Variants in RAPGEF1 observed in about 807,000 individuals in gnomAD.
RAPGEF1 encodes CRK SH3-binding GNRP.
In RAPGEF1, 33 loss-of-function variants were observed where a neutral mutation model predicts 143.3. The observed-to-expected ratio is 0.23, with a 90% CI of 0.17 to 0.31. The LOEUF is 0.31. Ranked by LOEUF, RAPGEF1 falls within the 10% of genes least tolerant of loss-of-function variation. RAPGEF1 has a pLI of 1.00. For synonymous variants in RAPGEF1, 629 were observed against 676.5 expected (o/e 0.93, Z 1.09); for missense variants, 1,199 against 1,645.4 (o/e 0.73, Z 4.69).
chr9:131,584,549 C>T lies in RAPGEF1; in HGVS notation c.3281G>A (p.Arg1094Gln), dbSNP rs751517782. 1.9e-6 allele frequency: 3 copies of T among 1,613,998 alleles called. No homozygotes were observed. Among genetic ancestry groups the T allele is most frequent in the Non-Finnish European group, 2.5e-6 (3 of 1,179,894 alleles). The change falls in exon 23 of 27, where the codon CGG becomes CAG. Residue 1094 changes from arginine (R) to glutamine (Q), a missense_variant. Coordinates refer to ENST00000683357, the MANE Select transcript of RAPGEF1 (RefSeq NM_001377935.1). The surrounding 1 kb of genome is among the most constrained non-coding windows in gnomAD (Gnocchi z 6.8). Reference sequence around the variant, plus strand: ...GATCTTGATGAACTTCAAGAGCAGCCGTTCCCTGTCCTGGGCCTTTTCCTG... The same window carrying T: ...GATCTTGATGAACTTCAAGAGCAGCTGTTCCCTGTCCTGGGCCTTTTCCTG... ...MLQEKAQDRE[R>Q]LLLKFIKIMK...
At chr9:131,642,555 T>C (rs1199595929) in intron 4 of RAPGEF1, among the ~76,000 whole-genome samples, 1 of 152,210 alleles carries the variant, frequency 6.6e-6, no homozygotes, top group East Asian at 1.9e-4. Context: ...GCCTGCTTGC[T>C]TTAAACCCAC....
At chr9:131,729,377 C>T (rs920278468) in intron 1 of RAPGEF1, among the ~76,000 whole-genome samples, 6 of 152,190 alleles carry the variant, frequency 3.9e-5, no homozygotes, top group Non-Finnish European at 8.8e-5. Context: ...TACTTTAACT[C>T]GTAAGGGCCA....
chr9:131,623,560 C>A (rs1961943078), intron 10 of RAPGEF1, among the ~76,000 whole-genome samples: 1 of 152,252 alleles, frequency 6.6e-6, no homozygotes, highest in South Asian at 2.1e-4. Flanking sequence ...CAGTGATGCT[C>A]CCAGCCTTCT....
At chr9:131,707,284 GTTCT>G (rs149012008) in intron 1 of RAPGEF1, among the ~76,000 whole-genome samples, 5,544 of 152,188 alleles carry the variant, frequency 0.036, 216 homozygotes, top group East Asian at 0.089. Context: ...GTCAGAACTG[GTTCT>G]TTATTTTAAT....
At chr9:131,679,172 G>GC (rs1263517675) in intron 1 of RAPGEF1, among the ~76,000 whole-genome samples, 3 of 149,228 alleles carry the variant, frequency 2.0e-5, no homozygotes, top group Non-Finnish European at 3.0e-5. Context: ...GACAAGGGGG[G>GC]GGCCACAAGC....
intron 1 of RAPGEF1, among the ~76,000 whole-genome samples, chr9:131,688,380 G>GTGTCC (rs1833521062): frequency 6.6e-6 from 1 of 152,158 alleles, no homozygotes; most frequent in African/African-American, 2.4e-5. Context: ...ACAGCAACAA[G>GTGTCC]TGTCCTGTAT....
At position 131,608,145 on chromosome 9, in the gene RAPGEF1, T is replaced by G; in HGVS notation, c.2062-2957A>C. Among the ~76,000 whole-genome samples, 2 of 152,256 alleles carry G rather than the reference T, an allele frequency of 1.3e-5. 1 individual carries two copies. The highest frequency in any genetic ancestry group is 6.8e-3 in the Middle Eastern group (2 of 292). ...ATCTTTAAAACGGGGATGAAAACAA[T>G]AGCCCCTCCCCCATAAGGTTTCTGC... On this transcript the variant is annotated intron_variant, in intron 12 of 26. Transcript: ENST00000683357.
At chr9:131,710,634 A>T (rs972985810) in intron 1 of RAPGEF1, among the ~76,000 whole-genome samples, 1 of 152,200 alleles carries the variant, frequency 6.6e-6, no homozygotes, top group Non-Finnish European at 1.5e-5. Flanking sequence ...CACGCCTGTA[A>T]TCCCAGCACT....
chr9:131,588,949 T>C lies in RAPGEF1; in HGVS notation c.2905A>G (p.Met969Val). The C allele has an allele frequency of 6.2e-7, 1 of 1,613,844 alleles. No homozygotes were observed. Among genetic ancestry groups the C allele is most frequent in the East Asian group, 2.2e-5 (1 of 44,870 alleles). Residue 969 changes from methionine to valine, a missense_variant, in exon 20 of 27, where the codon ATG becomes GTG. Coordinates refer to ENST00000683357, the MANE Select transcript of RAPGEF1 (RefSeq NM_001377935.1). Reference sequence around the variant, plus strand: ...CACACCAGGCGGAAGACCAGTTCCATCAGCAGCTTCAGGATCTCTTCTGTC... The same window carrying C: ...CACACCAGGCGGAAGACCAGTTCCACCAGCAGCTTCAGGATCTCTTCTGTC... ...ELTEEILKLL[M>V]ELVFRLVCNG...
At chr9:131,670,704 A>C (rs1381602374) in intron 1 of RAPGEF1, among the ~76,000 whole-genome samples, 1 of 152,218 alleles carries the variant, frequency 6.6e-6, no homozygotes, top group African/African-American at 2.4e-5. Flanking sequence ...CCAAAGTTAT[A>C]CACTGGCTCT....
intron 12 of RAPGEF1, among the ~76,000 whole-genome samples, chr9:131,616,278 C>CAA (rs535962742): frequency 6.6e-6 from 1 of 151,964 alleles, no homozygotes; most frequent in African/African-American, 2.4e-5. Context: ...AAAACAAAAA[C>CAA]AAAAAACCAA....
At chr9:131,613,306 A>G (rs562236805) in intron 12 of RAPGEF1, among the ~76,000 whole-genome samples, 2 of 152,252 alleles carry the variant, frequency 1.3e-5, no homozygotes, top group African/African-American at 4.8e-5. Context: ...TTGGGAAGGG[A>G]TGAAGGGAAG....
rs754572607 is a variant in RAPGEF1, at chr9:131,604,923, G to A, written c.2319+8C>T. On this transcript the variant is annotated splice_region_variant and intron_variant, in intron 13 of 26. Coordinates refer to ENST00000683357, the MANE Select transcript of RAPGEF1 (RefSeq NM_001377935.1). ...GTGTGTGTGTGTGTGTGCACGCTGA[G>A]TTCTCACCGAGTCAGTGAAAGAGGT... The A allele has an allele frequency of 1.5e-6, 2 of 1,297,742 alleles. No individual in the cohort carries two copies. Among genetic ancestry groups the A allele is most frequent in the African/African-American group, 1.5e-5 (1 of 65,660 alleles). 80.4% of individuals were successfully genotyped at this position (1,297,742 alleles called of 1,614,324 possible).
At chr9:131,614,993 C>T (rs1544305) in intron 12 of RAPGEF1, among the ~76,000 whole-genome samples, 132,407 of 152,300 alleles carry the variant, frequency 0.87, 57,831 homozygotes, top group African/African-American at 0.95. Context: ...CCCAAATAGA[C>T]CTCTTAGTGA....
intron 1 of RAPGEF1, among the ~76,000 whole-genome samples, chr9:131,668,146 T>C (rs753246348): frequency 3.9e-5 from 6 of 152,162 alleles, no homozygotes; most frequent in Non-Finnish European, 8.8e-5. Flanking sequence ...GGAGATGATG[T>C]CCAGGGAGCC....
chr9:131,720,566 T>C (rs1836191561), intron 1 of RAPGEF1, among the ~76,000 whole-genome samples: 1 of 152,174 alleles, frequency 6.6e-6, no homozygotes, highest in African/African-American at 2.4e-5. Context: ...GCAGGCAGCA[T>C]TCTGGGTACC....
rs1832078271 is a variant in RAPGEF1, at chr9:131,675,051, A to G, written c.62-24102T>C. On this transcript the variant is annotated intron_variant, in intron 1 of 26. Coordinates refer to ENST00000683357, the MANE Select transcript of RAPGEF1 (RefSeq NM_001377935.1). The surrounding 1 kb of genome is among the most constrained non-coding windows in gnomAD (Gnocchi z 4.6). ...CAGCTGGGAGGGAGGGAGCAGAGAG[A>G]AGGCGAGCGTCATAGCCCTTTCCAC... Among the ~76,000 whole-genome samples the G allele has an allele frequency of 6.6e-6, 1 of 152,010 alleles. No individual in the cohort carries two copies. The highest frequency in any genetic ancestry group is 2.4e-5 in the African/African-American group (1 of 41,382).
At chr9:131,640,420 G>A (rs762394602) in intron 4 of RAPGEF1, among the ~76,000 whole-genome samples, 4 of 152,178 alleles carry the variant, frequency 2.6e-5, no homozygotes, top group South Asian at 2.1e-4. Flanking sequence ...AACGTTTCCC[G>A]GAAGGTGCTG....
In RAPGEF1 at chr9:131,586,372, A is replaced by C. The variant is rs1332667484; in HGVS notation, c.3233+1364T>G. Among the ~76,000 whole-genome samples the C allele has an allele frequency of 2.0e-3, 203 of 103,752 alleles. 8 individuals carry two copies. The highest frequency in any genetic ancestry group is 7.7e-3 in the African/African-American group (184 of 23,890). 68.1% of individuals were successfully genotyped at this position (103,752 alleles called of 152,430 possible). The stretch of plus-strand genomic sequence containing the variant: ...GTCTCAAACACACACACACACACAC[A>C]CCCACCTGCAGAGCGAGACTCCGTC... On this transcript the variant is annotated intron_variant, in intron 22 of 26. Coordinates refer to ENST00000683357, the MANE Select transcript of RAPGEF1 (RefSeq NM_001377935.1).
Sources: allele counts gnomAD v4.1 joint callset (sites outside exome capture counted in the v4.1 genomes callset), GRCh38; gene constraint gnomAD v4.1.1; non-coding constraint Gnocchi (gnomAD v3.1); transcripts MANE v1.5; gene names NCBI Gene and HGNC (gene_info 2026-07-23, HGNC 2026-07-21).